PLEKHH3: variants seen among roughly 807,000 people sequenced by gnomAD.
PLEKHH3 encodes pleckstrin homology, MyTH4 and FERM domain containing H3.
PLEKHH3 carries 57 observed loss-of-function variants against 77.8 expected under a neutral mutation model. That is an observed-to-expected ratio of 0.73 (90% CI 0.59 to 0.91). The LOEUF is 0.91. PLEKHH3 is among the 40% of genes least tolerant of loss of function. PLEKHH3 has a pLI of 0.00. For synonymous variants in PLEKHH3, 467 were observed against 504.8 expected (o/e 0.93, Z 1.00); for missense variants, 1,082 against 1,091.2 (o/e 0.99, Z 0.12).
At chr17:42,675,594 G>A (rs1334724469) in intron 1 of PLEKHH3, among the ~76,000 whole-genome samples, 1 of 152,182 alleles carries the variant, frequency 6.6e-6, no homozygotes, top group Non-Finnish European at 1.5e-5. Flanking sequence ...GCCCCACCCG[G>A]GCACCGAGCC....
At chr17:42,670,507 G>A in intron 10 of PLEKHH3, 66 bp downstream of exon 10, 1 of 1,553,152 alleles carries the variant, frequency 6.4e-7, no homozygotes, top group Non-Finnish European at 8.7e-7. Context: ...GAAATGAGAC[G>A]GCCTAGAAAA....
chr17:42,676,444 TTCCTCG>T lies in PLEKHH3; in HGVS notation c.114_119del (p.Asp38_Glu39del), dbSNP rs763261932. On this transcript the variant is annotated inframe_deletion, in exon 1 of 13. Transcript: ENST00000591022. The surrounding 1 kb of genome is among the most constrained non-coding windows in gnomAD (Gnocchi z 6.6). ...GACTCGGGGTCCGCAGCTCAAAGGT[TTCCTCG>T]TCCTCGTCCTCGTCCCCGTCCCCGC... The T allele has an allele frequency of 1.4e-5, 23 of 1,613,054 alleles. No homozygotes were observed. The highest frequency in any genetic ancestry group is 8.0e-5 in the African/African-American group (6 of 75,010).
intron 9 of PLEKHH3, 140 bp from the exon 10 acceptor site, chr17:42,670,845 C>T: frequency 6.6e-7 from 1 of 1,523,086 alleles, no homozygotes; most frequent in Non-Finnish European, 8.9e-7. Flanking sequence ...AGTCGGACTG[C>T]AAACCTGCGG....
At position 42,670,676 on chromosome 17, in the gene PLEKHH3, T is replaced by A; in HGVS notation, c.1451A>T (p.Asp484Val). ...NLAAEEAGLEDSPDSGWRLCL... is the reference protein window; with the variant it reads ...NLAAEEAGLEVSPDSGWRLCL... ...TAGTCTCCACCCGGAGTCGGGCGAG[T>A]CCTCCAACCCAGCTTCCTCCGCGGC... Residue 484 changes from aspartate to valine, a missense_variant, in exon 10 of 13, where the codon GAC becomes GTC. Transcript: ENST00000591022. 1 of 1,612,364 alleles carries A rather than the reference T, an allele frequency of 6.2e-7. No homozygotes were observed. The highest frequency in any genetic ancestry group is 8.5e-7 in the Non-Finnish European group (1 of 1,179,640).
Position 42,671,693 on chromosome 17 carries a change from C to T in PLEKHH3, c.1077-135G>A. 1 of 964,098 alleles carries T rather than the reference C, an allele frequency of 1.0e-6. No homozygotes were observed. Among genetic ancestry groups the T allele is most frequent in the Non-Finnish European group, 1.5e-6 (1 of 658,890 alleles). 59.7% of individuals were successfully genotyped at this position (964,098 alleles called of 1,614,324 possible). ...CAACTCAAGTTCTTTGAAGGCTCTT[C>T]TAAATCTCTCCCCAGTGCTTTGCAT... On this transcript the variant is annotated intron_variant, in intron 7 of 12. Coordinates refer to ENST00000591022, the MANE Select transcript of PLEKHH3 (RefSeq NM_024927.5). This position sits in a 1 kb window ranked among gnomAD's most constrained non-coding sequence, Gnocchi z 4.7.
intron 1 of PLEKHH3, 109 bp from the exon 2 acceptor site, chr17:42,674,518 A>G: frequency 1.2e-6 from 1 of 826,932 alleles, no homozygotes; most frequent in South Asian, 3.0e-5. Context: ...AGGAGGAGTC[A>G]CAGAGTGGGG....
rs574678096 is a variant in PLEKHH3, at chr17:42,672,309, G to T, written c.853C>A (p.Pro285Thr). ...QALEGARRPG[P>T]LMQGVLQTCR... Reference sequence around the variant, plus strand: ...GTTTGGAGCACACCCTGCATCAAGGGCCCGGGGCGCCGCGCCCCCTCCAGC... The same window carrying T: ...GTTTGGAGCACACCCTGCATCAAGGTCCCGGGGCGCCGCGCCCCCTCCAGC... The change falls in exon 7 of 13, where the codon CCC becomes ACC. Residue 285 changes from proline (P) to threonine (T), a missense_variant. Coordinates refer to ENST00000591022, the MANE Select transcript of PLEKHH3 (RefSeq NM_024927.5). 3.2e-6 allele frequency: 5 copies of T among 1,548,952 alleles called. No individual in the cohort carries two copies. The highest frequency in any genetic ancestry group is 4.4e-6 in the Non-Finnish European group (5 of 1,146,674).
In PLEKHH3 at chr17:42,676,744, TGAGGGGGGCTCAGTGTCTGGGCCCCCG is replaced by T. The variant is rs1416982700; in HGVS notation, c.-208_-182del. 2.1e-5 allele frequency: 13 copies of T among 633,396 alleles called. No individual in the cohort carries two copies. Among genetic ancestry groups the T allele is most frequent in the Non-Finnish European group, 3.0e-5 (11 of 364,202 alleles). The allele number at this position is 633,396 out of a possible 1,614,324, so 39.2% of individuals were successfully genotyped here. ...GTGCAAGGGGACGCTAGCCAGACGC[TGAGGGGGGCTCAGTGTCTGGGCCCCCG>T]GAGGGGGGAGGGGGAAAAGCGTCCA... On this transcript the variant is annotated 5_prime_UTR_variant, in exon 1 of 13. Transcript: ENST00000591022. The surrounding 1 kb of genome is among the most constrained non-coding windows in gnomAD (Gnocchi z 6.6).
In PLEKHH3 at chr17:42,668,312, G is replaced by T; in HGVS notation, c.2206-9C>A. On this transcript the variant is annotated splice_polypyrimidine_tract_variant and intron_variant, in intron 12 of 12. Coordinates refer to ENST00000591022, the MANE Select transcript of PLEKHH3 (RefSeq NM_024927.5). ...TGCATGATCTCTTCCACCTAAGAGA[G>T]GGCAGAGGTCAGTGTGCAACAGGGG... 6.5e-7 allele frequency: 1 copy of T among 1,529,014 alleles called. No homozygotes were observed. Among genetic ancestry groups the T allele is most frequent in the Non-Finnish European group, 8.7e-7 (1 of 1,148,238 alleles). 94.7% of individuals were successfully genotyped at this position (1,529,014 alleles called of 1,614,324 possible). A position where few individuals can be genotyped will look rare whatever the true frequency, so the allele number is the denominator to read the frequency against.
Position 42,676,884 on chromosome 17 carries a change from C to G in PLEKHH3, c.-321G>C, listed in dbSNP as rs1201957062. 4.7e-5 allele frequency: 16 copies of G among 342,500 alleles called. No individual in the cohort carries two copies. The South Asian group carries it at 4.7e-4, about 10-fold the overall frequency. 21.2% of individuals were successfully genotyped at this position (342,500 alleles called of 1,614,324 possible). A position where few individuals can be genotyped will look rare whatever the true frequency, so the allele number is the denominator to read the frequency against. On this transcript the variant is annotated 5_prime_UTR_variant, in exon 1 of 13. Transcript: ENST00000591022. The surrounding 1 kb of genome is among the most constrained non-coding windows in gnomAD (Gnocchi z 6.6). The stretch of plus-strand genomic sequence containing the variant: ...GCCCTGTGGGGGGCAGTGTCCGGTG[C>G]AGCGTCCGAGGTGGGCAGTTGTCCA...
In PLEKHH3 at chr17:42,676,042, C is replaced by G; in HGVS notation, c.162+360G>C. The G allele has an allele frequency of 8.9e-7, 1 of 1,122,480 alleles. No homozygotes were observed. Among genetic ancestry groups the G allele is most frequent in the Non-Finnish European group, 1.1e-6 (1 of 916,740 alleles). 69.5% of individuals were successfully genotyped at this position (1,122,480 alleles called of 1,614,324 possible). A position where few individuals can be genotyped will look rare whatever the true frequency, so the allele number is the denominator to read the frequency against. On this transcript the variant is annotated intron_variant, in intron 1 of 12. Transcript: ENST00000591022. This position sits in a 1 kb window ranked among gnomAD's most constrained non-coding sequence, Gnocchi z 6.6. Reference sequence around the variant, plus strand: ...CGGAGGGGGACCCAGGCGTTCGAGCCGCCCAGCCGGCCTCGCCACATTCCT... The same window carrying G: ...CGGAGGGGGACCCAGGCGTTCGAGCGGCCCAGCCGGCCTCGCCACATTCCT...
In PLEKHH3 at chr17:42,671,988, G is replaced by T; in HGVS notation, c.1076+98C>A. 1 of 1,018,354 alleles carries T rather than the reference G, an allele frequency of 9.8e-7. No individual in the cohort carries two copies. Among genetic ancestry groups the T allele is most frequent in the Non-Finnish European group, 1.4e-6 (1 of 710,818 alleles). The allele number at this position is 1,018,354 out of a possible 1,614,324, so 63.1% of individuals were successfully genotyped here. On this transcript the variant is annotated intron_variant, in intron 7 of 12. Transcript: ENST00000591022. This position sits in a 1 kb window ranked among gnomAD's most constrained non-coding sequence, Gnocchi z 4.7. ...CACAAAGGCACTGTATGTATTACTC[G>T]GTTCTTTACCTACCAAGTCTTTTGC...
rs1349393184 is a variant in PLEKHH3, at chr17:42,676,033, C to G, written c.162+369G>C. The G allele has an allele frequency of 2.0e-5, 22 of 1,110,970 alleles. No individual in the cohort carries two copies. The highest frequency in any genetic ancestry group is 2.4e-5 in the Non-Finnish European group (22 of 909,534). The allele number at this position is 1,110,970 out of a possible 1,614,324, so 68.8% of individuals were successfully genotyped here. ...AACTGGGAGCGGAGGGGGACCCAGG[C>G]GTTCGAGCCGCCCAGCCGGCCTCGC... On this transcript the variant is annotated intron_variant, in intron 1 of 12. Transcript: ENST00000591022. The surrounding 1 kb of genome is among the most constrained non-coding windows in gnomAD (Gnocchi z 6.6).
Position 42,670,616 on chromosome 17 carries a change from C to A in PLEKHH3, c.1511G>T (p.Gly504Val), listed in dbSNP as rs1346057336. Residue 504 changes from glycine (G) to valine (V), a missense_variant, in exon 10 of 13, where the codon GGG becomes GTG. This residue lies in a region of PLEKHH3 where 733 missense variants were observed against 750.0 expected (regional missense o/e 0.98). Coordinates refer to ENST00000591022, the MANE Select transcript of PLEKHH3 (RefSeq NM_024927.5). ...CAGTTCGTGACCGTCTGGGGACAGC[C>A]CCTCAGGGTGCAGAGGTCCGTGAAG... ...LRLHGPLHPE[G>V]LSPDGHELPF... 6.2e-7 allele frequency: 1 copy of A among 1,612,854 alleles called. No homozygotes were observed. The highest frequency in any genetic ancestry group is 8.5e-7 in the Non-Finnish European group (1 of 1,179,656).
In PLEKHH3 at chr17:42,671,288, A is replaced by G; in HGVS notation, c.1284+63T>C. ...GCAAACCTAGGGTCCAGGAAGAGGGAGAGACAGGCGTGAGAAGCTGGCAGG... is the reference window on the plus strand; with the variant it reads ...GCAAACCTAGGGTCCAGGAAGAGGGGGAGACAGGCGTGAGAAGCTGGCAGG... On this transcript the variant is annotated intron_variant, in intron 8 of 12. Coordinates refer to ENST00000591022, the MANE Select transcript of PLEKHH3 (RefSeq NM_024927.5). This position sits in a 1 kb window ranked among gnomAD's most constrained non-coding sequence, Gnocchi z 4.7. The G allele has an allele frequency of 6.3e-7, 1 of 1,578,886 alleles. No homozygotes were observed. Among genetic ancestry groups the G allele is most frequent in the Non-Finnish European group, 8.6e-7 (1 of 1,157,624 alleles).
At chr17:42,675,880 G>T in intron 1 of PLEKHH3, 1 of 1,002,548 alleles carries the variant, frequency 1.0e-6, no homozygotes, top group Non-Finnish European at 1.2e-6. Context: ...TAATGAGGAG[G>T]GGTCCTCAAA....
Position 42,671,207 on chromosome 17 carries a change from G to C in PLEKHH3, c.1285-77C>G, listed in dbSNP as rs888703212. The C allele has an allele frequency of 6.6e-7, 1 of 1,523,700 alleles. No individual in the cohort carries two copies. Among genetic ancestry groups the C allele is most frequent in the Non-Finnish European group, 8.8e-7 (1 of 1,131,780 alleles). The allele number at this position is 1,523,700 out of a possible 1,614,324, so 94.4% of individuals were successfully genotyped here. A position where few individuals can be genotyped will look rare whatever the true frequency, so the allele number is the denominator to read the frequency against. On this transcript the variant is annotated intron_variant, in intron 8 of 12. Transcript: ENST00000591022. This position sits in a 1 kb window ranked among gnomAD's most constrained non-coding sequence, Gnocchi z 4.7. ...GGAGGGGTTGATTCAATTGGAAGGG[G>C]TCTCTTAGTCCTGTCACCACCACTC...
rs780530871 is a variant in PLEKHH3 at position 42,671,285 on chromosome 17, G to C, written c.1284+66C>G. The C allele has an allele frequency of 3.8e-6, 6 of 1,577,072 alleles. No homozygotes were observed. The Admixed American group carries it at 7.0e-5, about 18-fold the overall frequency. ...GGGGCAAACCTAGGGTCCAGGAAGAGGGAGAGACAGGCGTGAGAAGCTGGC... is the reference window on the plus strand; with the variant it reads ...GGGGCAAACCTAGGGTCCAGGAAGACGGAGAGACAGGCGTGAGAAGCTGGC... On this transcript the variant is annotated intron_variant, in intron 8 of 12. Transcript: ENST00000591022. The surrounding 1 kb of genome is among the most constrained non-coding windows in gnomAD (Gnocchi z 4.7).
chr17:42,670,202 TCGGGCGGGG>T lies in PLEKHH3; in HGVS notation c.1720_1728del (p.Pro574_Pro576del), dbSNP rs1296592713. The T allele has an allele frequency of 3.5e-6, 4 of 1,150,046 alleles. No individual in the cohort carries two copies. Among genetic ancestry groups the T allele is most frequent in the Non-Finnish European group, 4.3e-6 (4 of 936,908 alleles). 71.2% of individuals were successfully genotyped at this position (1,150,046 alleles called of 1,614,324 possible). ...GCAGCGGAAGGGGGCGGCCTGGGGGTCGGGCGGGGCGGGTCTTCGCGCGGCGGGGCCGGG... is the reference window on the plus strand; with the variant it reads ...GCAGCGGAAGGGGGCGGCCTGGGGGTCGGGTCTTCGCGCGGCGGGGCCGGG... On this transcript the variant is annotated inframe_deletion, in exon 11 of 13. Transcript: ENST00000591022.
Sources: gnomAD v4.1 joint callset for allele counts (sites outside exome capture counted in the v4.1 genomes callset) on GRCh38, gnomAD v4.1.1 for gene constraint, gnomAD v4.1.1 regional missense constraint, Gnocchi (gnomAD v3.1) non-coding constraint, MANE v1.5 for transcripts, NCBI Gene and HGNC (gene_info 2026-07-23, HGNC 2026-07-21) for gene names.